Variants in TRMT44 observed in about 807,000 individuals in gnomAD.
The protein encoded by TRMT44 is probable tRNA (uracil-O(2)-)-methyltransferase.
TRMT44 carries 78 observed loss-of-function variants against 77.3 expected under a neutral mutation model. That is an observed-to-expected ratio of 1.01 (90% confidence interval 0.84 to 1.22). The LOEUF (loss-of-function observed/expected upper bound fraction) is 1.22. TRMT44 is among the 50% of genes most tolerant of loss of function. The probability of loss-of-function intolerance (pLI) is 0.00; values close to 1 mark genes in which losing one functional copy is unlikely to be tolerated. For synonymous variants in TRMT44, 391 were observed against 383.3 expected (o/e 1.02, Z -0.23); for missense variants, 1,090 against 964.4 (o/e 1.13, Z -1.73).
chr4:8,491,312 C>A (rs868829672), intron 2 of TRMT44, among the ~76,000 whole-genome samples: 13 of 152,370 alleles, frequency 8.5e-5, no homozygotes, highest in Admixed American at 1.3e-4. Flanking sequence ...AGACTCTCCA[C>A]ATCCCCACCA....
intron 2 of TRMT44, among the ~76,000 whole-genome samples, chr4:8,489,564 C>T (rs1287784375): frequency 6.6e-6 from 1 of 152,158 alleles, no homozygotes; most frequent in Non-Finnish European, 1.5e-5. Flanking sequence ...GCAACCTCCG[C>T]CTCCCAGGTT....
At chr4:8,484,997 C>T (rs533685828) in intron 2 of TRMT44, among the ~76,000 whole-genome samples, 1 of 152,170 alleles carries the variant, frequency 6.6e-6, no homozygotes, top group South Asian at 2.1e-4. Context: ...GCTGAAGGAG[C>T]AGAAGTGTGT....
intron 2 of TRMT44, among the ~76,000 whole-genome samples, 176 bp from the exon 3 acceptor site, chr4:8,449,492 CT>C (rs1419404337): frequency 1.3e-5 from 2 of 152,136 alleles, no homozygotes; most frequent in Non-Finnish European, 2.9e-5. Context: ...ATTCTCTGTG[CT>C]TTTTACATGT....
At chr4:8,488,659 G>A (rs1030425057) in intron 2 of TRMT44, among the ~76,000 whole-genome samples, 6 of 152,158 alleles carry the variant, frequency 3.9e-5, no homozygotes, top group Non-Finnish European at 7.3e-5. Flanking sequence ...GGGCATACAC[G>A]TGCAAGTCAC....
intron 1 of TRMT44, among the ~76,000 whole-genome samples, chr4:8,442,986 A>G (rs1317434636): frequency 6.6e-6 from 1 of 152,138 alleles, no homozygotes; most frequent in Non-Finnish European, 1.5e-5. Context: ...GCCATATAAT[A>G]CAGTATATTC....
At chr4:8,443,236 T>C (rs1223187983) in intron 1 of TRMT44, among the ~76,000 whole-genome samples, 2 of 152,214 alleles carry the variant, frequency 1.3e-5, no homozygotes, top group African/African-American at 4.8e-5. Context: ...ACGTTGTCCA[T>C]CCACTGGACT....
Position 8,449,889 on chromosome 4 carries a change from G to A in TRMT44, c.954+1G>A, listed in dbSNP as rs1725315057. 1.4e-6 allele frequency: 2 copies of A among 1,437,270 alleles called. No homozygotes were observed. The highest frequency in any genetic ancestry group is 1.9e-6 in the Non-Finnish European group (2 of 1,080,484). 89.0% of individuals were successfully genotyped at this position (1,437,270 alleles called of 1,614,324 possible). ...AGAGAAGTATAAGGAAATGGTTAAG[G>A]TAATTCTGGTGGAGAATATCTGATT... On this transcript the variant is annotated splice_donor_variant, in intron 3 of 10. Coordinates refer to ENST00000389737, the MANE Select transcript of TRMT44 (RefSeq NM_152544.3). LOFTEE classifies it high-confidence loss of function.
intron 6 of TRMT44, among the ~76,000 whole-genome samples, chr4:8,459,767 G>A (rs1402600396): frequency 6.6e-6 from 1 of 152,112 alleles, no homozygotes; most frequent in Non-Finnish European, 1.5e-5. Context: ...CTACCTGCCG[G>A]GCACTCTTAG....
the TRMT44 span, chr4:8,510,182 T>G: frequency 6.6e-6 from 1 of 152,664 alleles, no homozygotes. Context: ...ATCCAGGTCC[T>G]GTGGGCTGAA....
chr4:8,493,483 A>G (rs1363813920), exon 3 of TRMT44: 1 of 152,162 alleles, frequency 6.6e-6, no homozygotes, highest in African/African-American at 2.4e-5. Context: ...AGAGAGACTG[A>G]TTTGAATAAT....
intron 6 of TRMT44, among the ~76,000 whole-genome samples, chr4:8,462,434 T>C (rs1362382745): frequency 1.3e-5 from 2 of 149,482 alleles, no homozygotes; most frequent in African/African-American, 5.0e-5. Context: ...CGGCTGGGCG[T>C]GGTGGCTCAT....
intron 6 of TRMT44, among the ~76,000 whole-genome samples, chr4:8,457,024 C>A (rs890953954): frequency 1.4e-4 from 20 of 145,426 alleles, no homozygotes; most frequent in South Asian, 4.5e-4. Flanking sequence ...CCCGCCCCCC[C>A]CCCCCAACTA....
Position 8,471,177 on chromosome 4 carries a change from G to A in TRMT44, c.2021G>A (p.Arg674Gln), listed in dbSNP as rs746024605. ...RECGGLQTLL[R>Q]NSHQVFQVVN... ...TGTGGGGGCCTGCAGACGCTGCTCC[G>A]GAACAGCCACCAGGTGTTCCAAGGT... Residue 674 changes from arginine to glutamine, a missense_variant, in exon 10 of 11, where the codon CGG becomes CAG. Transcript: ENST00000389737. The A allele has an allele frequency of 8.7e-6, 14 of 1,604,368 alleles. No homozygotes were observed. Among genetic ancestry groups the A allele is most frequent in the Admixed American group, 3.4e-5 (2 of 58,754 alleles).
rs1313399420 is a variant in TRMT44, at chr4:8,446,535, A to G, written c.679A>G (p.Lys227Glu). Residue 227 changes from lysine to glutamate, a missense_variant, in exon 2 of 11, where the codon AAG becomes GAG. Coordinates refer to ENST00000389737, the MANE Select transcript of TRMT44 (RefSeq NM_152544.3). The surrounding 1 kb of genome is among the most constrained non-coding windows in gnomAD (Gnocchi z 4.3). ...PLEEDDEGNLKVKMSNVYQIQ... is the reference protein window; with the variant it reads ...PLEEDDEGNLEVKMSNVYQIQ... ...GGAAGAAGATGATGAGGGGAACCTA[A>G]AGGTTAAGATGAGCAATGTGTATCA... The G allele has an allele frequency of 2.3e-5, 36 of 1,536,380 alleles. No homozygotes were observed. The highest frequency in any genetic ancestry group is 2.6e-6 in the Non-Finnish European group (3 of 1,146,974).
intron 10 of TRMT44, among the ~76,000 whole-genome samples, chr4:8,474,833 T>A (rs1350852977): frequency 6.6e-6 from 1 of 152,048 alleles, no homozygotes; most frequent in Non-Finnish European, 1.5e-5. Flanking sequence ...TCGGCCCAAT[T>A]TGGGCGGCGG....
chr4:8,452,819 C>G lies in TRMT44; in HGVS notation c.1024-63C>G, dbSNP rs750905347. On this transcript the variant is annotated intron_variant, in intron 4 of 10. Coordinates refer to ENST00000389737, the MANE Select transcript of TRMT44 (RefSeq NM_152544.3). The surrounding 1 kb of genome is among the most constrained non-coding windows in gnomAD (Gnocchi z 5.7). ...AGAGTTTTCTTTGACCAGTTTGTGTCTAAATTATTCTTGCGTAGAGTGAAT... is the reference window on the plus strand; with the variant it reads ...AGAGTTTTCTTTGACCAGTTTGTGTGTAAATTATTCTTGCGTAGAGTGAAT... 1.1e-6 allele frequency: 1 copy of G among 916,688 alleles called. No homozygotes were observed. The highest frequency in any genetic ancestry group is 1.6e-6 in the Non-Finnish European group (1 of 623,384). The allele number at this position is 916,688 out of a possible 1,614,324, so 56.8% of individuals were successfully genotyped here. A position where few individuals can be genotyped will look rare whatever the true frequency, so the allele number is the denominator to read the frequency against.
downstream of TRMT44, among the ~76,000 whole-genome samples, chr4:8,480,714 G>A (rs1365116922): frequency 1.3e-5 from 2 of 152,296 alleles, no homozygotes; most frequent in Admixed American, 1.3e-4. Flanking sequence ...TCACCTCAAG[G>A]ACTAAACTGA....
In TRMT44 at chr4:8,451,350, G is replaced by T. The variant is rs1416045158; in HGVS notation, c.955-610G>T. Among the ~76,000 whole-genome samples, 1 of 152,202 alleles carries T rather than the reference G, an allele frequency of 6.6e-6. No homozygotes were observed. Among genetic ancestry groups the T allele is most frequent in the Non-Finnish European group, 1.5e-5 (1 of 68,040 alleles). On this transcript the variant is annotated intron_variant, in intron 3 of 10. Coordinates refer to ENST00000389737, the MANE Select transcript of TRMT44 (RefSeq NM_152544.3). This position sits in a 1 kb window ranked among gnomAD's most constrained non-coding sequence, Gnocchi z 4.1. ...GTCTAAGGCGCTGTGACTGGAAATAGAAATTTCAACTTTTAACATTGGCCA... is the reference window on the plus strand; with the variant it reads ...GTCTAAGGCGCTGTGACTGGAAATATAAATTTCAACTTTTAACATTGGCCA...
At chr4:8,494,424 C>A (rs554060299), downstream of TRMT44, among the ~76,000 whole-genome samples, 1 of 152,140 alleles carries the variant, frequency 6.6e-6, no homozygotes, top group African/African-American at 2.4e-5. Flanking sequence ...CTGTGCCCTA[C>A]GTTTGTTTTA....
Sources: allele counts gnomAD v4.1 joint callset (sites outside exome capture counted in the v4.1 genomes callset), GRCh38; gene constraint gnomAD v4.1.1; non-coding constraint Gnocchi (gnomAD v3.1); transcripts MANE v1.5; gene names NCBI Gene and HGNC (gene_info 2026-07-23, HGNC 2026-07-21).